CD80: variants seen among roughly 807,000 people sequenced by gnomAD.
CD80 encodes the protein CD80 molecule.
Under a neutral mutation model 27.1 loss-of-function variants are expected in CD80, and 13 were observed. The ratio of observed to expected loss-of-function variants is 0.48; its 90% confidence interval spans 0.31 to 0.76. The LOEUF (loss-of-function observed/expected upper bound fraction) is 0.76. CD80 is among the 30% of genes least tolerant of loss of function. The pLI, the probability that CD80 is intolerant of heterozygous loss-of-function variation, is 0.04. For synonymous variants in CD80, 125 were observed against 125.5 expected, an observed-to-expected ratio of 1.00 and a Z score of 0.03; for missense variants, 277 against 347.9, an observed-to-expected ratio of 0.80 and a Z score of 1.62.
chr3:119,530,735 C>T (rs2082105346), intron 4 of CD80, among the ~76,000 whole-genome samples: 1 of 152,202 alleles, frequency 6.6e-6, no homozygotes, highest in African/African-American at 2.4e-5. Context: ...GGAAAAACGG[C>T]AGGGACACAA....
At chr3:119,544,216 G>T in intron 3 of CD80, 1 of 298,728 alleles carries the variant, frequency 3.3e-6, no homozygotes, top group Non-Finnish European at 6.4e-6. Context: ...ACTTTCACAG[G>T]CATATATTGC....
intron 6 of CD80, 198 bp downstream of exon 6, chr3:119,527,535 A>G: frequency 2.1e-6 from 1 of 475,508 alleles, no homozygotes. Context: ...GAAACATGGC[A>G]AAAGAAGAGG....
chr3:119,535,422 G>A (rs2082132253), intron 4 of CD80, among the ~76,000 whole-genome samples: 1 of 152,144 alleles, frequency 6.6e-6, no homozygotes, highest in Admixed American at 6.5e-5. Context: ...CTATCCTTGG[G>A]AGTGGGGCTA....
intron 2 of CD80, among the ~76,000 whole-genome samples, chr3:119,550,451 C>T (rs895868125): frequency 4.6e-5 from 7 of 152,138 alleles, no homozygotes; most frequent in South Asian, 2.1e-4. Context: ...CAAAATCTTC[C>T]GAACAATTTG....
chr3:119,544,385 T>C lies in CD80; in HGVS notation c.418+165A>G, dbSNP rs145683693. On this transcript the variant is annotated intron_variant, in intron 3 of 6. Transcript: ENST00000264246. ...CATTAACAGATATTTCCAGGACATC[T>C]TTAGAAACCAGTTAGAGTTTATTGT... The C allele has an allele frequency of 1.2e-3, 724 of 617,632 alleles. 6 individuals are homozygous for C. In the African/African-American group the frequency reaches 0.012, roughly 10 times the overall value. The allele number at this position is 617,632 out of a possible 1,614,324, so 38.3% of individuals were successfully genotyped here.
intron 2 of CD80, among the ~76,000 whole-genome samples, chr3:119,556,371 C>A (rs1048501824): frequency 3.3e-5 from 5 of 151,402 alleles, no homozygotes; most frequent in Non-Finnish European, 7.4e-5. Flanking sequence ...CCTCCCTGCC[C>A]CCCTTATTTC....
intron 5 of CD80, among the ~76,000 whole-genome samples, chr3:119,528,256 C>T (rs973093317): frequency 6.6e-6 from 1 of 152,040 alleles, no homozygotes; most frequent in African/African-American, 2.4e-5. Flanking sequence ...TTTATCCTAC[C>T]CTTGGGATAA....
intron 3 of CD80, among the ~76,000 whole-genome samples, chr3:119,541,452 G>A (rs1372025268): frequency 2.0e-5 from 3 of 152,172 alleles, no homozygotes; most frequent in African/African-American, 7.2e-5. Flanking sequence ...CTATTTGCCT[G>A]AGACTTTCCC....
intron 2 of CD80, among the ~76,000 whole-genome samples, chr3:119,548,447 G>A (rs2082212756): frequency 1.3e-5 from 2 of 152,154 alleles, no homozygotes; most frequent in African/African-American, 4.8e-5. Flanking sequence ...GCCAACCATG[G>A]GTTAAACGAT....
At chr3:119,535,406 C>CA (rs2082132228) in intron 4 of CD80, among the ~76,000 whole-genome samples, 4 of 152,148 alleles carry the variant, frequency 2.6e-5, no homozygotes, top group Admixed American at 2.6e-4. Context: ...TATACAGTCA[C>CA]AAAACCTATC....
chr3:119,537,500 C>T, intron 3 of CD80, 82 bp from the exon 4 acceptor site: 2 of 1,030,694 alleles, frequency 1.9e-6, no homozygotes, highest in Non-Finnish European at 2.8e-6. Flanking sequence ...AATTTTCTAG[C>T]TTTAATAAGA....
chr3:119,555,403 A>G (rs1465952267), intron 2 of CD80, among the ~76,000 whole-genome samples: 1 of 152,222 alleles, frequency 6.6e-6, no homozygotes, highest in Non-Finnish European at 1.5e-5. Context: ...TCCCTGTGCT[A>G]GAAACTGCAA....
chr3:119,535,191 C>G (rs1447327881), intron 4 of CD80, among the ~76,000 whole-genome samples: 7 of 85,074 alleles, frequency 8.2e-5, no homozygotes, highest in Middle Eastern at 7.5e-3. Context: ...GACTCCGTCT[C>G]AAAAAAAAAA....
intron 4 of CD80, 108 bp downstream of exon 4, chr3:119,537,029 T>A: frequency 1.0e-6 from 1 of 976,608 alleles, no homozygotes; most frequent in Non-Finnish European, 1.6e-6. Flanking sequence ...AATGACAGAA[T>A]TGCCTAATGA....
At chr3:119,547,206 A>G (rs2082206742) in intron 2 of CD80, among the ~76,000 whole-genome samples, 1 of 152,220 alleles carries the variant, frequency 6.6e-6, no homozygotes, top group Admixed American at 6.5e-5. Flanking sequence ...TGTGACCTTA[A>G]GCAACTTACT....
intron 2 of CD80, among the ~76,000 whole-genome samples, chr3:119,553,064 A>G (rs1324483447): frequency 6.6e-6 from 1 of 151,952 alleles, no homozygotes; most frequent in Non-Finnish European, 1.5e-5. Context: ...TGGTGGTTTC[A>G]CAACATTGCA....
chr3:119,556,938 G>A (rs1046359676), intron 2 of CD80, among the ~76,000 whole-genome samples: 3 of 152,080 alleles, frequency 2.0e-5, no homozygotes, highest in Non-Finnish European at 4.4e-5. Flanking sequence ...GATCACCTGA[G>A]CAGGAACAAA....
chr3:119,552,476 TG>T (rs1356950870), intron 2 of CD80, among the ~76,000 whole-genome samples: 1 of 130,748 alleles, frequency 7.6e-6, no homozygotes, highest in Non-Finnish European at 1.5e-5. Flanking sequence ...ATTGTGCCAC[TG>T]CACTCCAGCT....
At chr3:119,533,295 C>T (rs1452003646) in intron 4 of CD80, among the ~76,000 whole-genome samples, 1 of 152,154 alleles carries the variant, frequency 6.6e-6, no homozygotes, top group African/African-American at 2.4e-5. Context: ...TATTAGATAC[C>T]ATGAGTATGA....
Sources: allele counts gnomAD v4.1 joint callset (sites outside exome capture counted in the v4.1 genomes callset), GRCh38; gene constraint gnomAD v4.1.1; transcripts MANE v1.5; gene names NCBI Gene and HGNC (gene_info 2026-07-23, HGNC 2026-07-21).